Variants in AP4E1 observed in about 807,000 individuals in gnomAD.
The protein encoded by AP4E1 is AP-4 complex subunit epsilon-1.
A neutral mutation model predicts 128.2 loss-of-function variants in AP4E1; 56 were observed. The ratio of observed to expected loss-of-function variants is 0.44; its 90% confidence interval spans 0.35 to 0.55. The LOEUF (loss-of-function observed/expected upper bound fraction) is 0.55, where lower values mean the gene tolerates loss of function less well. AP4E1 is among the 20% of genes least tolerant of loss of function. The probability of loss-of-function intolerance (pLI) is 0.00; values close to 1 mark genes in which losing one functional copy is unlikely to be tolerated. For synonymous variants in AP4E1, 484 were observed against 473.1 expected, an observed-to-expected ratio of 1.02 and a Z score of -0.30; for missense variants, 1,324 against 1,307.7, an observed-to-expected ratio of 1.01 and a Z score of -0.19.
intron 15 of AP4E1, among the ~76,000 whole-genome samples, chr15:50,976,498 T>A (rs2064553013): frequency 6.6e-6 from 1 of 152,194 alleles, no homozygotes. Context: ...CACTTGTCTC[T>A]TTTGTAGTCA....
Position 51,005,197 on chromosome 15 carries a change from G to C in AP4E1, c.*2535G>C, listed in dbSNP as rs1309617352. 6.6e-6 allele frequency: 1 copy of C among 152,288 alleles called. No individual in the cohort carries two copies. Among genetic ancestry groups the C allele is most frequent in the African/African-American group, 2.4e-5 (1 of 41,464 alleles). The allele number at this position is 152,288 out of a possible 1,614,324, so 9.4% of individuals were successfully genotyped here. ...CACTGCGCCCGGCCAAATTATTTTT[G>C]TGGGTAGATTCATTCTCTTTACCTA... On this transcript the variant is annotated 3_prime_UTR_variant, in exon 21 of 21. Coordinates refer to ENST00000261842, the MANE Select transcript of AP4E1 (RefSeq NM_007347.5).
intron 13 of AP4E1, among the ~76,000 whole-genome samples, chr15:50,954,727 G>A (rs931522230): frequency 6.6e-6 from 1 of 152,046 alleles, no homozygotes; most frequent in African/African-American, 2.4e-5. Flanking sequence ...TAAGTTCTAG[G>A]GTACATGTGC....
chr15:50,965,208 C>T (rs933166852), intron 14 of AP4E1, among the ~76,000 whole-genome samples: 60 of 152,042 alleles, frequency 3.9e-4, no homozygotes, highest in African/African-American at 1.3e-3. Context: ...AGTGCAAGAA[C>T]GGACTAATAG....
In AP4E1 at chr15:50,993,356, A is replaced by G; in HGVS notation, c.2091-14A>G. On this transcript the variant is annotated splice_polypyrimidine_tract_variant and intron_variant, in intron 16 of 20. Transcript: ENST00000261842. ...TTATTTAAGTTGACTTGATTTTATT[A>G]TCAACCTCCTTAGGACAAATAGCTT... is the stretch of plus-strand genomic sequence containing the variant. 2 of 1,613,680 alleles carry G rather than the reference A, an allele frequency of 1.2e-6. No individual in the cohort carries two copies. Among genetic ancestry groups the G allele is most frequent in the Non-Finnish European group, 1.7e-6 (2 of 1,179,760 alleles).
intron 2 of AP4E1, 126 bp downstream of exon 2, chr15:50,912,275 T>C (rs1204054255): frequency 1.1e-6 from 1 of 901,022 alleles, no homozygotes; most frequent in African/African-American, 1.6e-5. Context: ...TGAATTATAG[T>C]TGGTAGCAAC....
In AP4E1 at chr15:50,948,003, T is replaced by G. The variant is rs775265014; in HGVS notation, c.1177-17T>G. The G allele has an allele frequency of 3.8e-6, 6 of 1,558,910 alleles. No homozygotes were observed. The highest frequency in any genetic ancestry group is 3.5e-6 in the Non-Finnish European group (4 of 1,133,756). On this transcript the variant is annotated splice_polypyrimidine_tract_variant and intron_variant, in intron 10 of 20. Transcript: ENST00000261842. ...ATAGTTTTATAATATTGTTTTTAAT[T>G]TTTCTTCTTTAAATAGACTCTGGAA...
At chr15:50,983,123 G>C (rs1386690011) in intron 15 of AP4E1, among the ~76,000 whole-genome samples, 1 of 152,068 alleles carries the variant, frequency 6.6e-6, no homozygotes, top group Non-Finnish European at 1.5e-5. Context: ...CCTATTAAAG[G>C]AATCCAGAAG....
chr15:50,919,733 C>T (rs2063673260), intron 3 of AP4E1, among the ~76,000 whole-genome samples: 2 of 151,732 alleles, frequency 1.3e-5, no homozygotes, highest in South Asian at 2.1e-4. Flanking sequence ...TATCTGCAGG[C>T]ATCAGATGTT....
chr15:50,925,249 AT>A, intron 5 of AP4E1, 30 bp downstream of exon 5: 1 of 1,601,098 alleles, frequency 6.2e-7, no homozygotes, highest in Non-Finnish European at 8.6e-7. Context: ...ATAGGCATCT[AT>A]GCCATATATT....
At chr15:50,927,656 C>T (rs1015242319) in intron 5 of AP4E1, among the ~76,000 whole-genome samples, 11 of 151,550 alleles carry the variant, frequency 7.3e-5, no homozygotes, top group Middle Eastern at 3.2e-3. Flanking sequence ...TATTAATCTG[C>T]CTTTCTTTTC....
chr15:50,999,121 C>T lies in AP4E1; in HGVS notation c.2954C>T (p.Thr985Ile). 1 of 1,613,960 alleles carries T rather than the reference C, an allele frequency of 6.2e-7. No homozygotes were observed. Residue 985 changes from threonine (T) to isoleucine (I), a missense_variant, in exon 19 of 21, where the codon ACC (threonine) becomes ATC (isoleucine). Thr to Ile is a moderately conservative substitution (Grantham distance 89, BLOSUM62 -1). Coordinates refer to ENST00000261842, the MANE Select transcript of AP4E1 (RefSeq NM_007347.5). The part of the protein sequence containing the change: ...CCLPVMEAES[T>I]KSFQYSVQIE... ...TTGCCTGTAATGGAAGCAGAAAGCA[C>T]CAAAAGCTTTCAATATAGTGTGCAG...
At chr15:50,933,581 G>C (rs958862709) in intron 7 of AP4E1, among the ~76,000 whole-genome samples, 1 of 151,922 alleles carries the variant, frequency 6.6e-6, no homozygotes, top group Non-Finnish European at 1.5e-5. Flanking sequence ...TTTTTTTTGG[G>C]GGGCAGGGAA....
In AP4E1 at chr15:50,950,061, T is replaced by C; in HGVS notation, c.1440T>C (p.Asp480=). ...FLRLLAEGFD[D]ETEDQQLRLY... Reference sequence around the variant, plus strand: ...TCAATTTCTTTGTAGGTTTTGATGATGAAACAGAAGATCAGCAATTAAGAC... The same window carrying C: ...TCAATTTCTTTGTAGGTTTTGATGACGAAACAGAAGATCAGCAATTAAGAC... Residue 480 remains aspartate (D), a synonymous_variant, in exon 13 of 21, where the codon GAT becomes GAC. Transcript: ENST00000261842. The C allele has an allele frequency of 6.2e-7, 1 of 1,612,762 alleles. No homozygotes were observed. Among genetic ancestry groups the C allele is most frequent in the Non-Finnish European group, 8.5e-7 (1 of 1,179,008 alleles).
intron 3 of AP4E1, among the ~76,000 whole-genome samples, chr15:50,917,516 T>C (rs1481837216): frequency 1.3e-5 from 2 of 152,136 alleles, no homozygotes; most frequent in African/African-American, 4.8e-5. Flanking sequence ...GGTATCTATT[T>C]TGTTAAAGAC....
At chr15:50,952,058 C>A (rs928316143) in intron 13 of AP4E1, among the ~76,000 whole-genome samples, 1 of 151,992 alleles carries the variant, frequency 6.6e-6, no homozygotes, top group African/African-American at 2.4e-5. Context: ...ATTTGTTTTA[C>A]TGTATCTGCA....
intron 2 of AP4E1, among the ~76,000 whole-genome samples, chr15:50,914,864 T>G (rs2063610178): frequency 1.3e-5 from 2 of 152,182 alleles, no homozygotes; most frequent in Admixed American, 1.3e-4. Context: ...TTACAATAGC[T>G]ATGCCATTAA....
rs775783217 is a variant in AP4E1, at chr15:50,941,574, T to C, written c.1066+10T>C. ...AATCTAAAATATTTAGGTAAGATGA[T>C]TGGTTCTTTTGACAGAAATTACAGA... On this transcript the variant is annotated intron_variant, in intron 9 of 20. Transcript: ENST00000261842. The C allele has an allele frequency of 1.9e-6, 3 of 1,612,818 alleles. No homozygotes were observed. Among genetic ancestry groups the C allele is most frequent in the Non-Finnish European group, 2.5e-6 (3 of 1,179,444 alleles).
intron 10 of AP4E1, among the ~76,000 whole-genome samples, chr15:50,946,701 C>A (rs973150572): frequency 6.6e-6 from 1 of 152,134 alleles, no homozygotes; most frequent in African/African-American, 2.4e-5. Flanking sequence ...ATTGCTGATC[C>A]TAAAACACCA....
In AP4E1 at chr15:50,915,454, A is replaced by G; in HGVS notation, c.229A>G (p.Met77Val). 6.2e-7 allele frequency: 1 copy of G among 1,613,032 alleles called. No homozygotes were observed. Among genetic ancestry groups the G allele is most frequent in the Non-Finnish European group, 8.5e-7 (1 of 1,179,270 alleles). Residue 77 changes from methionine to valine, a missense_variant, in exon 3 of 21, where the codon ATG (methionine) becomes GTG (valine). Physicochemically the swap from Met to Val is conservative, Grantham distance 21 (BLOSUM62 1). Transcript: ENST00000261842. ...VSAPTTTLKM[M>V]KECMVRLIYC... ...TGGATATTTTGCTTTTCAGAAAATG[A>G]TGAAGGAATGTATGGTGAGACTTAT...
Sources: allele counts gnomAD v4.1 joint callset (sites outside exome capture counted in the v4.1 genomes callset), GRCh38; gene constraint gnomAD v4.1.1; transcripts MANE v1.5; gene names NCBI Gene and HGNC (gene_info 2026-07-23, HGNC 2026-07-21).